NPTN: variants seen among roughly 807,000 people sequenced by gnomAD.
NPTN encodes SDR-1.
In NPTN, 5 loss-of-function variants were observed where a neutral mutation model predicts 42.7. That is an observed-to-expected ratio of 0.12 (90% CI 0.06 to 0.25). NPTN has a LOEUF of 0.25. Ranked by LOEUF, NPTN falls within the 10% of genes least tolerant of loss-of-function variation. The pLI is 1.00. For missense variants in NPTN, 307 were observed against 525.4 expected, an observed-to-expected ratio of 0.58 and a Z score of 4.06; for synonymous variants, 180 against 201.9, an observed-to-expected ratio of 0.89 and a Z score of 0.92.
intron 1 of NPTN, among the ~76,000 whole-genome samples, chr15:73,623,468 C>T (rs1898235290): frequency 6.6e-6 from 1 of 152,206 alleles, no homozygotes; most frequent in East Asian, 1.9e-4. Context: ...AGGAGGATCA[C>T]TTTAGTCCAG....
At chr15:73,575,639 C>T (rs781327489) in intron 4 of NPTN, among the ~76,000 whole-genome samples, 7 of 152,230 alleles carry the variant, frequency 4.6e-5, no homozygotes, top group Non-Finnish European at 7.3e-5. Flanking sequence ...TCAAAACATT[C>T]ATCTTGAGAC....
At chr15:73,574,672 CA>C (rs1895590237) in intron 4 of NPTN, among the ~76,000 whole-genome samples, 1 of 152,180 alleles carries the variant, frequency 6.6e-6, no homozygotes, top group African/African-American at 2.4e-5. Flanking sequence ...CTTGGCCTCC[CA>C]AAGTGCTGGG....
intron 6 of NPTN, among the ~76,000 whole-genome samples, chr15:73,565,226 GAC>G (rs962364937): frequency 6.6e-6 from 1 of 151,200 alleles, no homozygotes; most frequent in Non-Finnish European, 1.5e-5. Flanking sequence ...CTTTCACACT[GAC>G]AAACAAAAGA....
At chr15:73,581,384 A>G (rs1284365836) in intron 4 of NPTN, among the ~76,000 whole-genome samples, 2 of 152,168 alleles carry the variant, frequency 1.3e-5, no homozygotes, top group Non-Finnish European at 2.9e-5. Context: ...GCACAGACTA[A>G]GTGGCAAGAG....
In NPTN at chr15:73,633,116, C is replaced by T. The variant is rs975268827; in HGVS notation, c.91+9G>A. 3.4e-6 allele frequency: 5 copies of T among 1,468,476 alleles called. No homozygotes were observed. Among genetic ancestry groups the T allele is most frequent in the African/African-American group, 3.0e-5 (2 of 67,262 alleles). The allele number at this position is 1,468,476 out of a possible 1,614,324, so 91.0% of individuals were successfully genotyped here. ...CCCCCGCCCGGCCCGCCCCCGGCGC[C>T]CCGCTTACCGTTCTGAGCGGCGCCT... On this transcript the variant is annotated intron_variant, in intron 1 of 8. Transcript: ENST00000345330.
chr15:73,596,901 A>G (rs1896859515), intron 2 of NPTN, 121 bp downstream of exon 2: 1 of 834,214 alleles, frequency 1.2e-6, no homozygotes, highest in Admixed American at 2.9e-5. Flanking sequence ...TTGAAAAAAA[A>G]ACGAAGACAA....
In NPTN at chr15:73,560,773, T is replaced by TC. The variant is rs1028260350; in HGVS notation, c.*289dup. The TC allele has an allele frequency of 2.6e-5, 4 of 152,236 alleles. No individual in the cohort carries two copies. Among genetic ancestry groups the TC allele is most frequent in the African/African-American group, 9.7e-5 (4 of 41,344 alleles). The allele number at this position is 152,236 out of a possible 1,614,324, so 9.4% of individuals were successfully genotyped here. A position where few individuals can be genotyped will look rare whatever the true frequency, so the allele number is the denominator to read the frequency against. On this transcript the variant is annotated 3_prime_UTR_variant, in exon 9 of 9. Coordinates refer to ENST00000345330, the MANE Select transcript of NPTN (RefSeq NM_012428.4). ...AAAAAATGGCGCATGCATGATCTGA[T>TC]CCTCAGAGGACCTTTTCACTTCTAT...
chr15:73,583,859 C>G (rs1896184679), intron 4 of NPTN, among the ~76,000 whole-genome samples: 1 of 152,162 alleles, frequency 6.6e-6, no homozygotes, highest in African/African-American at 2.4e-5. Context: ...TGAATGTGGT[C>G]TGGGTATCAC....
At position 73,564,529 on chromosome 15, in the gene NPTN, T is replaced by C. The variant is rs139036770; in HGVS notation, c.1115-1272A>G. On this transcript the variant is annotated intron_variant, in intron 6 of 8. Transcript: ENST00000345330. ...ACCAATGACTCATCAGCCAAAACAA[T>C]AGGCTAGCGACACACTAGTGTCCAC... is the stretch of plus-strand genomic sequence containing the variant. Among the ~76,000 whole-genome samples the C allele has an allele frequency of 1.4e-3, 208 of 152,140 alleles. 5 individuals carry two copies. Among genetic ancestry groups the C allele is most frequent in the Admixed American group, 0.011 (170 of 15,290 alleles).
At chr15:73,604,592 T>G (rs767402140) in intron 1 of NPTN, among the ~76,000 whole-genome samples, 4 of 152,216 alleles carry the variant, frequency 2.6e-5, no homozygotes, top group Admixed American at 1.3e-4. Context: ...TAAGGGTCTA[T>G]TAAGATGAGA....
rs1351598157 is a variant in NPTN, at chr15:73,567,606, A to G, written c.1114+2544T>C. On this transcript the variant is annotated intron_variant, in intron 6 of 8. Coordinates refer to ENST00000345330, the MANE Select transcript of NPTN (RefSeq NM_012428.4). ...GAAAAGGCAGAGAAGAAGGAAACTC[A>G]CCAAAGAACATTCAACTTTTTCTTT... 3 of 985,424 alleles carry G rather than the reference A, an allele frequency of 3.0e-6. No homozygotes were observed. The Admixed American group carries it at 1.8e-4, about 61-fold the overall frequency. 61.0% of individuals were successfully genotyped at this position (985,424 alleles called of 1,614,324 possible).
intron 6 of NPTN, 34 bp from the exon 7 acceptor site, chr15:73,563,291 G>C: frequency 6.2e-7 from 1 of 1,612,324 alleles, no homozygotes; most frequent in Non-Finnish European, 8.5e-7. Context: ...AAATCCATGA[G>C]AGATAAGAGA....
chr15:73,576,472 G>A (rs1350520062), intron 4 of NPTN, among the ~76,000 whole-genome samples: 1 of 152,122 alleles, frequency 6.6e-6, no homozygotes, highest in African/African-American at 2.4e-5. Flanking sequence ...AGGATTATAG[G>A]CATCTGCCAC....
At position 73,592,094 on chromosome 15, in the gene NPTN, G is replaced by A. The variant is rs375959871; in HGVS notation, c.483C>T (p.Ser161=). 7.7e-5 allele frequency: 124 copies of A among 1,613,944 alleles called. 1 individual carries two copies. The African/African-American group carries it at 8.4e-4, about 11-fold the overall frequency. Residue 161 remains serine, a synonymous_variant, in exon 3 of 9, where the codon AGC becomes AGT. Transcript: ENST00000345330. The part of the protein sequence containing the change: ...VTSEEVIIRD[S]PVLPVTLQCN... Reference sequence around the variant, plus strand: ...ACTGCAGGGTGACAGGGAGAACAGGGCTGTCTCGAATAATGACCTCTTCAC... The same window carrying A: ...ACTGCAGGGTGACAGGGAGAACAGGACTGTCTCGAATAATGACCTCTTCAC...
At chr15:73,590,234 T>C (rs914374673) in intron 3 of NPTN, among the ~76,000 whole-genome samples, 12 of 152,026 alleles carry the variant, frequency 7.9e-5, no homozygotes, top group Admixed American at 5.2e-4. Context: ...ACTTATTTGG[T>C]AGCCCAAGGA....
At chr15:73,580,432 A>T (rs1324523641) in intron 4 of NPTN, among the ~76,000 whole-genome samples, 99 of 78,378 alleles carry the variant, frequency 1.3e-3, no homozygotes, top group African/African-American at 4.1e-3. Flanking sequence ...ATATATATAT[A>T]ATATATATAA....
intron 1 of NPTN, among the ~76,000 whole-genome samples, chr15:73,629,964 A>T (rs1199290103): frequency 6.6e-6 from 1 of 152,218 alleles, no homozygotes; most frequent in Non-Finnish European, 1.5e-5. Context: ...AAAGTTACAT[A>T]AGCAAAAGCA....
chr15:73,580,441 A>AT (rs1555408012), intron 4 of NPTN, among the ~76,000 whole-genome samples: 4 of 113,956 alleles, frequency 3.5e-5, no homozygotes, highest in East Asian at 2.3e-4. Context: ...TAATATATAT[A>AT]ATATATATGT....
intron 1 of NPTN, among the ~76,000 whole-genome samples, chr15:73,612,534 G>A (rs1317443482): frequency 3.3e-5 from 5 of 152,020 alleles, no homozygotes; most frequent in African/African-American, 9.7e-5. Flanking sequence ...TTGGGAGGCC[G>A]AGGTGGGCGG....
Sources: gnomAD v4.1 joint callset for allele counts (sites outside exome capture counted in the v4.1 genomes callset) on GRCh38, gnomAD v4.1.1 for gene constraint, MANE v1.5 for transcripts, NCBI Gene and HGNC (gene_info 2026-07-23, HGNC 2026-07-21) for gene names.